The following SYT2 variants were observed in gnomAD, a reference collection of about 807,000 sequenced individuals.
SYT2 encodes the protein synaptotagmin 2.
A neutral mutation model predicts 39.9 loss-of-function variants in SYT2; 15 were observed. That is an observed-to-expected ratio of 0.38 (90% CI 0.25 to 0.58). The LOEUF (loss-of-function observed/expected upper bound fraction) is 0.58, where lower values mean the gene tolerates loss of function less well. Among genes scored for constraint, SYT2 ranks in the 20% least tolerant of loss-of-function variants. The probability of loss-of-function intolerance (pLI) is 0.70; values close to 1 mark genes in which losing one functional copy is unlikely to be tolerated. For synonymous variants in SYT2, 181 were observed against 204.5 expected, an observed-to-expected ratio of 0.89 and a Z score of 0.98; for missense variants, 389 against 530.3, an observed-to-expected ratio of 0.73 and a Z score of 2.62.
intron 1 of SYT2, among the ~76,000 whole-genome samples, chr1:202,631,288 A>G (rs1394964976): frequency 1.3e-5 from 2 of 152,214 alleles, no homozygotes; most frequent in Middle Eastern, 3.4e-3. Flanking sequence ...AGCTGTGACT[A>G]TAAATGGAAT....
Position 202,599,297 on chromosome 1 carries a change from T to G in SYT2, c.974A>C (p.Lys325Thr). 3.7e-6 allele frequency: 6 copies of G among 1,606,460 alleles called. No homozygotes were observed. The highest frequency in any genetic ancestry group is 5.1e-6 in the Non-Finnish European group (6 of 1,177,332). The change falls in exon 8 of 9, where the codon AAG (lysine) becomes ACG (threonine). Residue 325 changes from lysine to threonine, a missense_variant. Physicochemically the swap from Lys to Thr is moderately conservative, Grantham distance 78 (BLOSUM62 -1). Around this residue, in one of 4 missense-constraint regions of SYT2, gnomAD observed 84 missense variants for 123.1 expected, o/e 0.68. Coordinates refer to ENST00000367268, the MANE Select transcript of SYT2 (RefSeq NM_177402.5). The surrounding 1 kb of genome is among the most constrained non-coding windows in gnomAD (Gnocchi z 4.4). The part of the protein sequence containing the change: ...MQNGKRLKKK[K>T]TTVKKKTLNP... ...CAGGGTCTTCTTCTTCACGGTTGTC[T>G]TCTTCTTCTTGAGCCTCTTGCCATT...
chr1:202,639,805 C>T lies in SYT2; in HGVS notation c.-17-34016G>A, dbSNP rs1166083911. The stretch of plus-strand genomic sequence containing the variant: ...CCTGGAGCCTGAGGCCAGTGCGCAG[C>T]AAGAGGAGGACACAGGACGTTGGGG... On this transcript the variant is annotated intron_variant, in intron 1 of 8. Transcript: ENST00000367268. The T allele has an allele frequency of 3.0e-6, 3 of 985,338 alleles. No individual in the cohort carries two copies. In the African/African-American group the frequency reaches 5.2e-5, roughly 17 times the overall value. 61.0% of individuals were successfully genotyped at this position (985,338 alleles called of 1,614,324 possible).
chr1:202,653,785 A>G (rs1228935516), intron 1 of SYT2, among the ~76,000 whole-genome samples: 1 of 152,224 alleles, frequency 6.6e-6, no homozygotes, highest in Non-Finnish European at 1.5e-5. Context: ...GGGTCACCAC[A>G]GTGATTTCTG....
chr1:202,685,356 C>T (rs907173724), intron 1 of SYT2, among the ~76,000 whole-genome samples: 3 of 152,306 alleles, frequency 2.0e-5, no homozygotes, highest in Middle Eastern at 3.4e-3. Flanking sequence ...ATTGCTCACA[C>T]CAACAGAATT....
chr1:202,645,327 C>T (rs1692058394), intron 1 of SYT2, among the ~76,000 whole-genome samples: 1 of 152,202 alleles, frequency 6.6e-6, no homozygotes, highest in Non-Finnish European at 1.5e-5. Context: ...TGCTCCTCTT[C>T]GGTTTCTCCC....
chr1:202,683,960 A>C (rs1379706374), intron 1 of SYT2, among the ~76,000 whole-genome samples: 1 of 151,716 alleles, frequency 6.6e-6, no homozygotes, highest in Non-Finnish European at 1.5e-5. Context: ...AACTATCAAC[A>C]CTTAGGATTT....
Position 202,596,842 on chromosome 1 carries a change from A to T in SYT2, c.1175T>A (p.Leu392Gln). ...GGCGATGGGCCTCCGGGGGTTGGCC[A>T]GCATGTCGGACCAGTGCCGCAGCTC... ...GTELRHWSDMLANPRRPIAQW... is the reference protein window; with the variant it reads ...GTELRHWSDMQANPRRPIAQW... Residue 392 changes from leucine (L) to glutamine (Q), a missense_variant, in exon 9 of 9, where the codon CTG (leucine) becomes CAG (glutamine). Coordinates refer to ENST00000367268, the MANE Select transcript of SYT2 (RefSeq NM_177402.5). 1 of 1,614,198 alleles carries T rather than the reference A, an allele frequency of 6.2e-7. No individual in the cohort carries two copies. The highest frequency in any genetic ancestry group is 8.5e-7 in the Non-Finnish European group (1 of 1,180,036).
In SYT2 at chr1:202,596,726, G is replaced by T. The variant is rs369306021; in HGVS notation, c.*31C>A. On this transcript the variant is annotated 3_prime_UTR_variant, in exon 9 of 9. Transcript: ENST00000367268. ...ATAGCTCTGGATCTTGTCAGTGTCC[G>T]TGAAAGGTGTGGGGTCCCAGCCGCT... 6 of 1,595,378 alleles carry T rather than the reference G, an allele frequency of 3.8e-6. No homozygotes were observed. The highest frequency in any genetic ancestry group is 5.1e-6 in the Non-Finnish European group (6 of 1,165,788).
chr1:202,634,984 T>C (rs543390969), intron 1 of SYT2, among the ~76,000 whole-genome samples: 3 of 152,364 alleles, frequency 2.0e-5, no homozygotes, highest in East Asian at 3.9e-4. Context: ...TCTGTGAATA[T>C]ATTAAAAACT....
intron 1 of SYT2, among the ~76,000 whole-genome samples, chr1:202,619,791 G>C (rs765607813): frequency 6.6e-6 from 1 of 152,240 alleles, no homozygotes; most frequent in Non-Finnish European, 1.5e-5. Flanking sequence ...GGGCATCAGA[G>C]CAGGGCAGGC....
intron 1 of SYT2, chr1:202,627,714 T>C (rs1320383546): frequency 1.3e-6 from 1 of 753,064 alleles, no homozygotes; most frequent in Non-Finnish European, 1.6e-6. Context: ...ACCCCTAGCA[T>C]GTTTAATTGC....
intron 1 of SYT2, among the ~76,000 whole-genome samples, chr1:202,709,726 C>A (rs374511882): frequency 2.6e-5 from 4 of 152,176 alleles, no homozygotes; most frequent in African/African-American, 9.7e-5. Context: ...CAGTCTGTCT[C>A]CCCAACCTCT....
At chr1:202,659,382 C>T (rs1692338491) in intron 1 of SYT2, among the ~76,000 whole-genome samples, 2 of 152,178 alleles carry the variant, frequency 1.3e-5, no homozygotes, top group South Asian at 4.1e-4. Flanking sequence ...CTATCCCTGC[C>T]AGCTCAGCCC....
intron 1 of SYT2, among the ~76,000 whole-genome samples, chr1:202,648,123 A>G (rs189802902): frequency 2.0e-5 from 3 of 152,348 alleles, no homozygotes; most frequent in Admixed American, 6.5e-5. Flanking sequence ...GAGTTAATAC[A>G]TGTAAAAAAC....
intron 1 of SYT2, among the ~76,000 whole-genome samples, chr1:202,627,855 G>A (rs1426172613): frequency 2.0e-5 from 3 of 152,164 alleles, no homozygotes; most frequent in East Asian, 1.9e-4. Context: ...ACAGGGAGAC[G>A]ACAGAGCTCA....
At chr1:202,629,182 C>T (rs1439325434) in intron 1 of SYT2, among the ~76,000 whole-genome samples, 1 of 152,176 alleles carries the variant, frequency 6.6e-6, no homozygotes, top group Non-Finnish European at 1.5e-5. Flanking sequence ...ATAATTCAGG[C>T]CTCTCTTAAT....
chr1:202,628,401 C>T lies in SYT2; in HGVS notation c.-17-22612G>A, dbSNP rs954900367. Among the ~76,000 whole-genome samples the T allele has an allele frequency of 2.0e-5, 3 of 152,162 alleles. No individual in the cohort carries two copies. Among genetic ancestry groups the T allele is most frequent in the African/African-American group, 7.2e-5 (3 of 41,446 alleles). The stretch of plus-strand genomic sequence containing the variant: ...GCCAGCATCCCAGGCAGGGAGCCAG[C>T]CAAAGAAGGTGCAGTCTGGTCCTCC... On this transcript the variant is annotated intron_variant, in intron 1 of 8. Transcript: ENST00000367268. The surrounding 1 kb of genome is among the most constrained non-coding windows in gnomAD (Gnocchi z 4.2).
intron 1 of SYT2, among the ~76,000 whole-genome samples, chr1:202,638,278 CAG>C (rs1210995059): frequency 1.3e-5 from 2 of 150,776 alleles, no homozygotes; most frequent in African/African-American, 4.9e-5. Context: ...TCTCAGGACA[CAG>C]AGAAAAAAGG....
In SYT2 at chr1:202,616,469, C is replaced by CGCACACACACTT. The variant is rs1361389611; in HGVS notation, c.-17-10692_-17-10681dup. On this transcript the variant is annotated intron_variant, in intron 1 of 8. Transcript: ENST00000367268. ...TGCCTTGTTCTCCCCTTCGTGACCA[C>CGCACACACACTT]GCACACACACTTGCACACACATACA... Among the ~76,000 whole-genome samples, 3 of 152,148 alleles carry CGCACACACACTT rather than the reference C, an allele frequency of 2.0e-5. 1 individual carries two copies. The highest frequency in any genetic ancestry group is 2.0e-4 in the Admixed American group (3 of 15,276).
Sources: gnomAD v4.1 joint callset for allele counts (sites outside exome capture counted in the v4.1 genomes callset) on GRCh38, gnomAD v4.1.1 for gene constraint, gnomAD v4.1.1 regional missense constraint, Gnocchi (gnomAD v3.1) non-coding constraint, MANE v1.5 for transcripts, NCBI Gene and HGNC (gene_info 2026-07-23, HGNC 2026-07-21) for gene names.